The following PMPCB variants were observed in gnomAD, a reference collection of about 807,000 sequenced individuals.
PMPCB encodes mitochondrial-processing peptidase subunit beta.
PMPCB carries 46 observed loss-of-function variants against 61.5 expected under a neutral mutation model. The observed-to-expected ratio is 0.75, with a 90% CI of 0.59 to 0.96. The LOEUF is 0.96. Among genes scored for constraint, PMPCB ranks in the 40% least tolerant of loss-of-function variants. The pLI is 0.00. For synonymous variants in PMPCB, 191 were observed against 201.6 expected (o/e 0.95, Z 0.44); for missense variants, 590 against 602.4 (o/e 0.98, Z 0.22).
chr7:103,320,168 A>C (rs530910304), intron 12 of PMPCB, among the ~76,000 whole-genome samples: 2 of 152,212 alleles, frequency 1.3e-5, no homozygotes, highest in East Asian at 3.9e-4. Context: ...GGCTCACTGC[A>C]ACCTCCACCT....
chr7:103,329,777 T>C (rs1373304176), downstream of PMPCB, among the ~76,000 whole-genome samples: 9 of 152,232 alleles, frequency 5.9e-5, no homozygotes, highest in Non-Finnish European at 1.3e-4. Flanking sequence ...ATATATTTGA[T>C]CGTAACTTCC....
intron 6 of PMPCB, among the ~76,000 whole-genome samples, chr7:103,305,749 G>T (rs557076718): frequency 6.6e-5 from 10 of 152,300 alleles, no homozygotes; most frequent in Admixed American, 4.6e-4. Context: ...ATTCATTGTA[G>T]CTACCTTCAT....
chr7:103,324,994 C>T (rs117431978), intron 12 of PMPCB, among the ~76,000 whole-genome samples: 224 of 152,342 alleles, frequency 1.5e-3, no homozygotes, highest in Middle Eastern at 3.4e-3. Context: ...CTCATCACCA[C>T]CACCACCTTC....
chr7:103,299,516 A>G lies in PMPCB; in HGVS notation c.314A>G (p.His105Arg). Residue 105 changes from histidine to arginine, a missense_variant, in exon 3 of 13, where the codon CAT (histidine) becomes CGT (arginine). Coordinates refer to ENST00000249269, the MANE Select transcript of PMPCB (RefSeq NM_004279.3). ...KNNGTAHFLE[H>R]MAFKGTKKRS... Reference sequence around the variant, plus strand: ...AATGGAACAGCACACTTTCTGGAGCATATGGCTTTCAAGGCAAGTTGTAAG... The same window carrying G: ...AATGGAACAGCACACTTTCTGGAGCGTATGGCTTTCAAGGCAAGTTGTAAG... 1 of 1,609,362 alleles carries G rather than the reference A, an allele frequency of 6.2e-7. No homozygotes were observed. Among genetic ancestry groups the G allele is most frequent in the Non-Finnish European group, 8.5e-7 (1 of 1,176,390 alleles).
chr7:103,313,492 A>G lies in PMPCB; in HGVS notation c.*1221A>G, dbSNP rs555481917. 11 of 985,196 alleles carry G rather than the reference A, an allele frequency of 1.1e-5. 1 individual carries two copies. The South Asian group carries it at 3.3e-4, about 29-fold the overall frequency. 61.0% of individuals were successfully genotyped at this position (985,196 alleles called of 1,614,324 possible). ...TTCTGATAAATCTACTTCCTTACAG[A>G]ATAGGTAAAAGAGCTTCCTCACAGT... On this transcript the variant is annotated 3_prime_UTR_variant, in exon 13 of 13. Transcript: ENST00000249269.
At chr7:103,333,975 G>C (rs1430137228), downstream of PMPCB, among the ~76,000 whole-genome samples, 1 of 149,800 alleles carries the variant, frequency 6.7e-6, no homozygotes, top group Non-Finnish European at 1.5e-5. Flanking sequence ...TTTTGAGACG[G>C]AGTCTCGCTC....
intron 12 of PMPCB, chr7:103,327,313 C>T: frequency 8.1e-7 from 1 of 1,241,946 alleles, no homozygotes; most frequent in Non-Finnish European, 1.1e-6. Context: ...GTATTCTCAT[C>T]ATTAAATAGA....
At chr7:103,327,417 G>T in intron 12 of PMPCB, 1 of 941,364 alleles carries the variant, frequency 1.1e-6, no homozygotes, top group Non-Finnish European at 1.6e-6. Context: ...GTTTGGGGCA[G>T]GGCCTGAGAC....
intron 12 of PMPCB, among the ~76,000 whole-genome samples, chr7:103,326,026 C>G (rs1450256769): frequency 1.3e-5 from 2 of 151,814 alleles, no homozygotes; most frequent in South Asian, 2.1e-4. Flanking sequence ...TGGAGTCTTG[C>G]TCAGTGTAGT....
In PMPCB at chr7:103,312,804, T is replaced by C. The variant is rs138671358; in HGVS notation, c.*533T>C. 1,058 of 1,513,656 alleles carry C rather than the reference T, an allele frequency of 7.0e-4. 8 individuals are homozygous for C. The African/African-American group carries it at 0.013, about 18-fold the overall frequency. 93.8% of individuals were successfully genotyped at this position (1,513,656 alleles called of 1,614,324 possible). A position where few individuals can be genotyped will look rare whatever the true frequency, so the allele number is the denominator to read the frequency against. ...TAGAAAGTTTCTAAGGTTGCTCATT[T>C]CTTCCTCATAATATTGACCCCATAA... On this transcript the variant is annotated 3_prime_UTR_variant, in exon 13 of 13. Transcript: ENST00000249269.
rs560402985 is a variant in PMPCB, at chr7:103,322,254, T to G, written c.*1432-6677T>G. Among the ~76,000 whole-genome samples the G allele has an allele frequency of 2.0e-5, 3 of 152,256 alleles. No homozygotes were observed. In the East Asian group the frequency reaches 5.8e-4, roughly 29 times the overall value. On this transcript the variant is annotated intron_variant and NMD_transcript_variant, in intron 12 of 12. Coordinates refer to the PMPCB transcript ENST00000444457. ...ACAGCTGGTAAAGATCTATAAACAT[T>G]TATTAGAAAATGTAAAATTGACATA...
rs1305108586 is a variant in PMPCB, at chr7:103,314,547, G to A, written c.*2276G>A. ...TCCCCCTAAGAAAGAGCTGAGACTAGTGTGCTAATACCTGTTGTATTTTGT... is the reference window on the plus strand; with the variant it reads ...TCCCCCTAAGAAAGAGCTGAGACTAATGTGCTAATACCTGTTGTATTTTGT... On this transcript the variant is annotated 3_prime_UTR_variant, in exon 13 of 13. Transcript: ENST00000249269. 9 of 985,258 alleles carry A rather than the reference G, an allele frequency of 9.1e-6. No homozygotes were observed. The highest frequency in any genetic ancestry group is 1.1e-5 in the Non-Finnish European group (9 of 829,898). 61.0% of individuals were successfully genotyped at this position (985,258 alleles called of 1,614,324 possible).
the PMPCB span, among the ~76,000 whole-genome samples, chr7:103,334,709 C>A: frequency 6.6e-6 from 1 of 151,750 alleles, no homozygotes; most frequent in Non-Finnish European, 1.5e-5. Context: ...TAGTCTCCCA[C>A]AGTGCTAGGA....
Position 103,313,461 on chromosome 7 carries a change from T to TA in PMPCB, c.*1192dup. The TA allele has an allele frequency of 2.0e-6, 2 of 985,008 alleles. No individual in the cohort carries two copies. The highest frequency in any genetic ancestry group is 2.4e-6 in the Non-Finnish European group (2 of 829,556). The allele number at this position is 985,008 out of a possible 1,614,324, so 61.0% of individuals were successfully genotyped here. ...ACTCAAAAACACAACCACAATTCAT[T>TA]AAGAGTTCTGATAAATCTACTTCCT... On this transcript the variant is annotated 3_prime_UTR_variant, in exon 13 of 13. Coordinates refer to ENST00000249269, the MANE Select transcript of PMPCB (RefSeq NM_004279.3).
downstream of PMPCB, among the ~76,000 whole-genome samples, chr7:103,317,608 T>A (rs773075773): frequency 3.3e-5 from 5 of 152,112 alleles, no homozygotes; most frequent in African/African-American, 4.8e-5. Flanking sequence ...CCTTGAAAAA[T>A]TTTTTTGATT....
intron 4 of PMPCB, among the ~76,000 whole-genome samples, chr7:103,303,164 G>A (rs986348362): frequency 3.9e-5 from 6 of 152,186 alleles, no homozygotes; most frequent in Admixed American, 3.3e-4. Flanking sequence ...TTGCCCAGGC[G>A]AGAGTGCAGT....
intron 12 of PMPCB, chr7:103,322,880 T>C: frequency 9.6e-7 from 1 of 1,045,468 alleles, no homozygotes; most frequent in Non-Finnish European, 1.4e-6. Flanking sequence ...TATTTATATG[T>C]ACATAACATC....
chr7:103,330,361 C>T (rs768407153), downstream of PMPCB, among the ~76,000 whole-genome samples: 1 of 152,074 alleles, frequency 6.6e-6, no homozygotes, highest in African/African-American at 2.4e-5. Context: ...AATCTCAGCT[C>T]ACTGTAGTCT....
At chr7:103,337,015 C>T in the PMPCB span, 1 of 152,244 alleles carries the variant, frequency 6.6e-6, no homozygotes, top group Admixed American at 6.5e-5. Flanking sequence ...TGGCCACAAT[C>T]TTACCCTCTC....
Sources: gnomAD v4.1 joint callset for allele counts (sites outside exome capture counted in the v4.1 genomes callset) on GRCh38, gnomAD v4.1.1 for gene constraint, MANE v1.5 for transcripts, NCBI Gene and HGNC (gene_info 2026-07-23, HGNC 2026-07-21) for gene names.